Variants in SEC61A2 observed in about 807,000 individuals in gnomAD.
SEC61A2 encodes protein transport protein Sec61 subunit alpha isoform 2.
In SEC61A2, 28 loss-of-function variants were observed where a neutral mutation model predicts 59.9. The ratio of observed to expected loss-of-function variants is 0.47; its 90% CI spans 0.35 to 0.64. The LOEUF (loss-of-function observed/expected upper bound fraction) is 0.64, where lower values mean the gene tolerates loss of function less well. Among genes scored for constraint, SEC61A2 ranks in the 30% least tolerant of loss-of-function variants. SEC61A2 has a pLI of 0.01. For synonymous variants in SEC61A2, 202 were observed against 214.4 expected, an observed-to-expected ratio of 0.94 and a Z score of 0.50; for missense variants, 340 against 585.9, an observed-to-expected ratio of 0.58 and a Z score of 4.33.
chr10:12,147,170 C>T (rs1255380736), intron 4 of SEC61A2, among the ~76,000 whole-genome samples: 4 of 152,060 alleles, frequency 2.6e-5, no homozygotes, highest in South Asian at 4.2e-4. Flanking sequence ...GGATGACAGG[C>T]GTGAGCCACC....
chr10:12,162,295 G>C lies in SEC61A2; in HGVS notation c.1244+6G>C. 9.3e-6 allele frequency: 15 copies of C among 1,607,434 alleles called. No individual in the cohort carries two copies. Among genetic ancestry groups the C allele is most frequent in the Non-Finnish European group, 1.3e-5 (15 of 1,174,180 alleles). The stretch of plus-strand genomic sequence containing the variant: ...ATGGTTCATGAGCTTAATAGGTAAG[G>C]CTGCTAGACTGACACCTTTATAGGC... On this transcript the variant is annotated splice_donor_region_variant and intron_variant, in intron 11 of 11. Coordinates refer to ENST00000298428, the MANE Select transcript of SEC61A2 (RefSeq NM_018144.4). The surrounding 1 kb of genome is among the most constrained non-coding windows in gnomAD (Gnocchi z 6.1).
At position 12,152,936 on chromosome 10, in the gene SEC61A2, G is replaced by A. The variant is rs992063766; in HGVS notation, c.463-2842G>A. 1.3e-5 allele frequency among the ~76,000 whole-genome samples: 2 copies of A among 151,854 alleles called. No homozygotes were observed. Among genetic ancestry groups the A allele is most frequent in the African/African-American group, 4.8e-5 (2 of 41,334 alleles). ...TAGCCAGGCGTGGCGGTGTGTGCCT[G>A]TAATCCCAGCTACTAAGGAGGCTGA... On this transcript the variant is annotated intron_variant, in intron 6 of 11. Transcript: ENST00000298428. This position sits in a 1 kb window ranked among gnomAD's most constrained non-coding sequence, Gnocchi z 5.5.
chr10:12,162,575 G>T lies in SEC61A2; in HGVS notation c.1244+286G>T. On this transcript the variant is annotated intron_variant, in intron 11 of 11. Transcript: ENST00000298428. This position sits in a 1 kb window ranked among gnomAD's most constrained non-coding sequence, Gnocchi z 6.1. ...ACAATCACCAGAGAGCTTTTAAAAA[G>T]GATTTCCCAGGAACTGTGGCTTATT... 2.0e-6 allele frequency: 1 copy of T among 502,014 alleles called. No homozygotes were observed. Among genetic ancestry groups the T allele is most frequent in the Non-Finnish European group, 3.7e-6 (1 of 268,746 alleles). 31.1% of individuals were successfully genotyped at this position (502,014 alleles called of 1,614,324 possible).
chr10:12,154,425 C>A lies in SEC61A2; in HGVS notation c.463-1353C>A, dbSNP rs576645019. On this transcript the variant is annotated intron_variant, in intron 6 of 11. Coordinates refer to ENST00000298428, the MANE Select transcript of SEC61A2 (RefSeq NM_018144.4). This position sits in a 1 kb window ranked among gnomAD's most constrained non-coding sequence, Gnocchi z 5.2. The stretch of plus-strand genomic sequence containing the variant: ...AGAGGTCATTTCTCAAGGCCCATCA[C>A]GATGCTTTCTGTGGCTGATGTTCAT... 6.6e-6 allele frequency among the ~76,000 whole-genome samples: 1 copy of A among 152,092 alleles called. No homozygotes were observed. Among genetic ancestry groups the A allele is most frequent in the Non-Finnish European group, 1.5e-5 (1 of 68,014 alleles).
In SEC61A2 at chr10:12,151,064, T is replaced by C. The variant is rs1011275493; in HGVS notation, c.462+1103T>C. On this transcript the variant is annotated intron_variant, in intron 6 of 11. Coordinates refer to ENST00000298428, the MANE Select transcript of SEC61A2 (RefSeq NM_018144.4). ...TGCTGGGATTACAGGCGTGAGCCACTGCGCCCGGCCCTAAGTATCTTAAAA... is the reference window on the plus strand; with the variant it reads ...TGCTGGGATTACAGGCGTGAGCCACCGCGCCCGGCCCTAAGTATCTTAAAA... Among the ~76,000 whole-genome samples, 53 of 151,474 alleles carry C rather than the reference T, an allele frequency of 3.5e-4. 1 individual carries two copies. Among genetic ancestry groups the C allele is most frequent in the Admixed American group, 2.2e-3 (34 of 15,274 alleles).
chr10:12,137,015 C>T (rs1286441670), intron 3 of SEC61A2, among the ~76,000 whole-genome samples: 1 of 152,128 alleles, frequency 6.6e-6, no homozygotes, highest in Non-Finnish European at 1.5e-5. Context: ...ATCTACCTGC[C>T]TCAGCCTCCC....
At position 12,149,829 on chromosome 10, in the gene SEC61A2, C is replaced by T; in HGVS notation, c.353-23C>T. 1 of 1,611,484 alleles carries T rather than the reference C, an allele frequency of 6.2e-7. No homozygotes were observed. The highest frequency in any genetic ancestry group is 8.5e-7 in the Non-Finnish European group (1 of 1,177,900). On this transcript the variant is annotated intron_variant, in intron 5 of 11. Coordinates refer to ENST00000298428, the MANE Select transcript of SEC61A2 (RefSeq NM_018144.4). The surrounding 1 kb of genome is among the most constrained non-coding windows in gnomAD (Gnocchi z 5.2). The stretch of plus-strand genomic sequence containing the variant: ...TTGTCTTTGGTGGTAAGCGTGCTCT[C>T]CTTTCCCCCCAACTTTCATCAGTGT...
In SEC61A2 at chr10:12,129,914, G is replaced by C. The variant is rs1833690084; in HGVS notation, c.7+120G>C. On this transcript the variant is annotated intron_variant, in intron 1 of 11. Coordinates refer to ENST00000298428, the MANE Select transcript of SEC61A2 (RefSeq NM_018144.4). The surrounding 1 kb of genome is among the most constrained non-coding windows in gnomAD (Gnocchi z 5.6). ...GGGCCAGGGATGCGCGGGCCGCTCCGGGCCTCAGCGGAGGGCACGGGCCGG... is the reference window on the plus strand; with the variant it reads ...GGGCCAGGGATGCGCGGGCCGCTCCCGGCCTCAGCGGAGGGCACGGGCCGG... The C allele has an allele frequency of 5.3e-6, 5 of 936,686 alleles. No individual in the cohort carries two copies. Among genetic ancestry groups the C allele is most frequent in the Non-Finnish European group, 7.1e-6 (5 of 701,916 alleles). 58.0% of individuals were successfully genotyped at this position (936,686 alleles called of 1,614,324 possible). A position where few individuals can be genotyped will look rare whatever the true frequency, so the allele number is the denominator to read the frequency against.
At chr10:12,167,570 C>T, downstream of SEC61A2, 1 of 778,166 alleles carries the variant, frequency 1.3e-6, no homozygotes, top group Non-Finnish European at 2.0e-6. Context: ...ATACCACCAC[C>T]ACATCTGTTC....
At chr10:12,134,100 G>A (rs186514040) in intron 2 of SEC61A2, among the ~76,000 whole-genome samples, 2,133 of 152,320 alleles carry the variant, frequency 0.014, 23 homozygotes, top group Non-Finnish European at 0.022. Flanking sequence ...TCCGCCTCCC[G>A]GGTTCACGCC....
Position 12,152,438 on chromosome 10 carries a change from G to T in SEC61A2, c.462+2477G>T, listed in dbSNP as rs962431146. Among the ~76,000 whole-genome samples, 1 of 152,182 alleles carries T rather than the reference G, an allele frequency of 6.6e-6. No homozygotes were observed. The highest frequency in any genetic ancestry group is 2.4e-5 in the African/African-American group (1 of 41,456). On this transcript the variant is annotated intron_variant, in intron 6 of 11. Transcript: ENST00000298428. This position sits in a 1 kb window ranked among gnomAD's most constrained non-coding sequence, Gnocchi z 5.5. Reference sequence around the variant, plus strand: ...TTGGAAGCTTTCTGATCCCCAGTGTGTTCGCATTTGGTAGAAGATACGTTT... The same window carrying T: ...TTGGAAGCTTTCTGATCCCCAGTGTTTTCGCATTTGGTAGAAGATACGTTT...
chr10:12,143,204 G>A lies in SEC61A2; in HGVS notation c.220+9G>A. On this transcript the variant is annotated intron_variant, in intron 4 of 11. Coordinates refer to ENST00000298428, the MANE Select transcript of SEC61A2 (RefSeq NM_018144.4). This position sits in a 1 kb window ranked among gnomAD's most constrained non-coding sequence, Gnocchi z 4.8. Reference sequence around the variant, plus strand: ...TCTGGCTTCCAATAGAGGTATGCGTGTCTTTTCTGTCTCCACACTCCTACT... The same window carrying A: ...TCTGGCTTCCAATAGAGGTATGCGTATCTTTTCTGTCTCCACACTCCTACT... 1 of 1,580,188 alleles carries A rather than the reference G, an allele frequency of 6.3e-7. No homozygotes were observed. Among genetic ancestry groups the A allele is most frequent in the East Asian group, 2.2e-5 (1 of 44,722 alleles).
downstream of SEC61A2, chr10:12,169,925 A>T: frequency 1.9e-6 from 1 of 522,950 alleles, no homozygotes; most frequent in Non-Finnish European, 3.4e-6. This position sits in a 1 kb window ranked among gnomAD's most constrained non-coding sequence, Gnocchi z 4.8. Flanking sequence ...AATTACCTAA[A>T]ACACTTATAC....
At chr10:12,147,555 T>C (rs4750173) in intron 4 of SEC61A2, among the ~76,000 whole-genome samples, 138,933 of 152,006 alleles carry the variant, frequency 0.91, 64,555 homozygotes, top group Non-Finnish European at 1. Flanking sequence ...CATGGTGGCT[T>C]ACGCCAGTAA....
rs1166403274 is a variant in SEC61A2, at chr10:12,161,855, C to A, written c.1168-358C>A. Among the ~76,000 whole-genome samples the A allele has an allele frequency of 6.6e-6, 1 of 152,068 alleles. No individual in the cohort carries two copies. The highest frequency in any genetic ancestry group is 1.9e-4 in the East Asian group (1 of 5,196). Reference sequence around the variant, plus strand: ...CAGTAGTGGATACACTCCTTTATAACTTAAGCTTTAATTTATACATTTTTA... The same window carrying A: ...CAGTAGTGGATACACTCCTTTATAAATTAAGCTTTAATTTATACATTTTTA... On this transcript the variant is annotated intron_variant, in intron 10 of 11. Transcript: ENST00000298428. This position sits in a 1 kb window ranked among gnomAD's most constrained non-coding sequence, Gnocchi z 5.4.
rs578098463 is a variant in SEC61A2, at chr10:12,145,991, G to A, written c.220+2796G>A. The stretch of plus-strand genomic sequence containing the variant: ...GGTGAACATTTTCCATTCTCTGTGC[G>A]ATTCAGCTCCACACTCCCAGATTTA... On this transcript the variant is annotated intron_variant, in intron 4 of 11. Transcript: ENST00000298428. The surrounding 1 kb of genome is among the most constrained non-coding windows in gnomAD (Gnocchi z 4.4). 2.6e-5 allele frequency among the ~76,000 whole-genome samples: 4 copies of A among 152,184 alleles called. No homozygotes were observed. The highest frequency in any genetic ancestry group is 7.2e-5 in the African/African-American group (3 of 41,524).
At chr10:12,136,059 C>A in intron 2 of SEC61A2, 46 bp from the exon 3 acceptor site, 1 of 1,334,730 alleles carries the variant, frequency 7.5e-7, no homozygotes. Context: ...CAAAAATTTG[C>A]TGTTTCTTGG....
chr10:12,134,761 C>CA (rs1833846291), intron 2 of SEC61A2, among the ~76,000 whole-genome samples: 1 of 151,604 alleles, frequency 6.6e-6, no homozygotes, highest in Non-Finnish European at 1.5e-5. Context: ...ACTAAAAATA[C>CA]AAAAAAATTA....
At chr10:12,146,717 A>G (rs1834146591) in intron 4 of SEC61A2, among the ~76,000 whole-genome samples, 1 of 151,568 alleles carries the variant, frequency 6.6e-6, no homozygotes, top group South Asian at 2.1e-4. Context: ...GTGGGGTTTC[A>G]CCATGTTAGC....
Sources: gnomAD v4.1 joint callset for allele counts (sites outside exome capture counted in the v4.1 genomes callset) on GRCh38, gnomAD v4.1.1 for gene constraint, Gnocchi (gnomAD v3.1) non-coding constraint, MANE v1.5 for transcripts, NCBI Gene and HGNC (gene_info 2026-07-23, HGNC 2026-07-21) for gene names.